EGF: variants seen among roughly 807,000 people sequenced by gnomAD.
EGF encodes epidermal growth factor.
A neutral mutation model predicts 143.8 loss-of-function variants in EGF; 95 were observed. The observed-to-expected ratio is 0.66, with a 90% CI of 0.56 to 0.78. The LOEUF is 0.78. EGF is among the 30% of genes least tolerant of loss of function. The pLI, the probability that EGF is intolerant of heterozygous loss-of-function variation, is 0.00. For synonymous variants in EGF, 510 were observed against 510.5 expected (o/e 1.00, Z 0.01); for missense variants, 1,320 against 1,470.9 (o/e 0.90, Z 1.68).
At chr4:109,916,306 T>C (rs534369985) in intron 1 of EGF, among the ~76,000 whole-genome samples, 1 of 152,316 alleles carries the variant, frequency 6.6e-6, no homozygotes, top group African/African-American at 2.4e-5. Flanking sequence ...TTTTTTCTTT[T>C]TTTCTAACAG....
At chr4:109,990,238 G>A (rs960831051) in intron 18 of EGF, among the ~76,000 whole-genome samples, 1 of 152,158 alleles carries the variant, frequency 6.6e-6, no homozygotes, top group African/African-American at 2.4e-5. Context: ...GAAATATCAG[G>A]ATGAGGAAGG....
Position 110,012,583 on chromosome 4 carries a change from G to A in EGF, c.*1128G>A, listed in dbSNP as rs947498294. On this transcript the variant is annotated 3_prime_UTR_variant, in exon 24 of 24. Transcript: ENST00000265171. ...TTTGTAGACATGGGGATCACACAAT[G>A]TTGCCCAGGCTGGTCTTGAACTCCT... Among the ~76,000 whole-genome samples the A allele has an allele frequency of 2.0e-5, 3 of 152,094 alleles. No individual in the cohort carries two copies. The highest frequency in any genetic ancestry group is 4.4e-5 in the Non-Finnish European group (3 of 68,020).
Position 109,986,592 on chromosome 4 carries a change from G to A in EGF, c.2492-1152G>A, listed in dbSNP as rs11569038. On this transcript the variant is annotated intron_variant, in intron 16 of 23. Transcript: ENST00000265171. ...TTTAATTTATCGGCAAGTTTGGAGG[G>A]CTTTTTAAAAAATCTCTTCTGTACT... Among the ~76,000 whole-genome samples, 1,253 of 152,078 alleles carry A rather than the reference G, an allele frequency of 8.2e-3. 20 individuals are homozygous for A. Among genetic ancestry groups the A allele is most frequent in the African/African-American group, 0.029 (1,188 of 41,430 alleles).
intron 1 of EGF, among the ~76,000 whole-genome samples, chr4:109,936,647 G>T (rs527823234): frequency 1.3e-5 from 2 of 152,166 alleles, no homozygotes; most frequent in Admixed American, 6.5e-5. Flanking sequence ...TGTCGATTTT[G>T]GATATTTCTT....
chr4:109,993,230 T>TCA lies in EGF; in HGVS notation c.2735-16_2735-15insAC. 11 of 1,613,364 alleles carry TCA rather than the reference T, an allele frequency of 6.8e-6. No individual in the cohort carries two copies. Among genetic ancestry groups the TCA allele is most frequent in the African/African-American group, 1.3e-5 (1 of 75,026 alleles). On this transcript the variant is annotated splice_polypyrimidine_tract_variant and intron_variant, in intron 18 of 23. Transcript: ENST00000265171. ...TGTACCCCACTTTTCTCTCCCGTAC[T>TCA]CTGTCTTTTCTGACAGATATTGATG...
chr4:109,948,667 G>T (rs1415722299), intron 5 of EGF, among the ~76,000 whole-genome samples: 1 of 151,990 alleles, frequency 6.6e-6, no homozygotes, highest in Non-Finnish European at 1.5e-5. Flanking sequence ...TGTGTTTTTG[G>T]TAGAGGTGGG....
At chr4:109,980,803 A>C in intron 14 of EGF, 23 bp from the exon 15 acceptor site, 1 of 1,613,848 alleles carries the variant, frequency 6.2e-7, no homozygotes, top group South Asian at 1.1e-5. Context: ...CCCACTTGTG[A>C]ATTTGTTTCT....
At position 109,988,617 on chromosome 4, in the gene EGF, GC is replaced by G. The variant is rs758373637; in HGVS notation, c.2648del (p.Pro883LeufsTer67). On this transcript the variant is annotated frameshift_variant, in exon 18 of 24. Transcript: ENST00000265171. LOFTEE classifies it high-confidence loss of function. ...GAATGTGAGATGGGTGTCCCAGTGT[GC>G]CCCCCTGCCTCCTCCAAGTGCATCA... The part of the protein sequence containing the change: ...IDECEMGVPV[C>X]PPASSKCINT... 1.9e-6 allele frequency: 3 copies of G among 1,613,876 alleles called. No homozygotes were observed.
intron 15 of EGF, 142 bp from the exon 16 acceptor site, chr4:109,983,280 C>T: frequency 1.1e-6 from 1 of 940,266 alleles, no homozygotes. Context: ...GTTACCAAGA[C>T]CCTGACAGTT....
At chr4:109,949,806 G>A (rs1560676626) in intron 5 of EGF, among the ~76,000 whole-genome samples, 1 of 152,144 alleles carries the variant, frequency 6.6e-6, no homozygotes. Flanking sequence ...GCAAGGGAGG[G>A]GCTTACAAAG....
chr4:109,974,315 C>T (rs561363386), intron 11 of EGF, among the ~76,000 whole-genome samples: 5 of 152,286 alleles, frequency 3.3e-5, no homozygotes, highest in South Asian at 2.1e-4. Context: ...TTGTCTCCCT[C>T]GTCTTCATGA....
At position 109,944,968 on chromosome 4, in the gene EGF, C is replaced by T. The variant is rs1003892316; in HGVS notation, c.738-105C>T. ...AACATAAATGAGAAACAATTGAAAA[C>T]GTAGGTGGTTAAAACTTAGACAATA... On this transcript the variant is annotated intron_variant, in intron 4 of 23. Coordinates refer to ENST00000265171, the MANE Select transcript of EGF (RefSeq NM_001963.6). 5.9e-6 allele frequency: 7 copies of T among 1,186,432 alleles called. No individual in the cohort carries two copies. The Admixed American group carries it at 5.9e-5, about 10-fold the overall frequency. 73.5% of individuals were successfully genotyped at this position (1,186,432 alleles called of 1,614,324 possible).
At chr4:109,964,654 G>C (rs1450524716) in intron 10 of EGF, 117 bp downstream of exon 10, 1 of 1,409,500 alleles carries the variant, frequency 7.1e-7, no homozygotes, top group East Asian at 2.3e-5. Context: ...GAATGATTAG[G>C]CACAGAACAA....
At chr4:109,931,899 ATTAT>A in intron 1 of EGF, among the ~76,000 whole-genome samples, 1 of 152,288 alleles carries the variant, frequency 6.6e-6, no homozygotes, top group East Asian at 1.9e-4. Context: ...AAATGTATTA[ATTAT>A]TTATACTTTG....
In EGF at chr4:109,980,220, G is replaced by T. The variant is rs562322735; in HGVS notation, c.2221+81G>T. On this transcript the variant is annotated intron_variant, in intron 14 of 23. Coordinates refer to ENST00000265171, the MANE Select transcript of EGF (RefSeq NM_001963.6). ...AATTGTTTGATGTCATGCAGTTGGC[G>T]GGGGGGTGGAGGGGATTTTGTAACT... 4.3e-6 allele frequency: 6 copies of T among 1,403,620 alleles called. No individual in the cohort carries two copies. The South Asian group carries it at 6.1e-5, about 14-fold the overall frequency. 86.9% of individuals were successfully genotyped at this position (1,403,620 alleles called of 1,614,324 possible).
At chr4:109,933,439 A>G (rs528481745) in intron 1 of EGF, among the ~76,000 whole-genome samples, 1,428 of 101,630 alleles carry the variant, frequency 0.014, 20 homozygotes, top group African/African-American at 0.049. Flanking sequence ...TTTTTTTTTT[A>G]TACTTTAAGT....
At position 109,943,772 on chromosome 4, in the gene EGF, C is replaced by T. The variant is rs1560664740; in HGVS notation, c.510-70C>T. 15 of 1,336,332 alleles carry T rather than the reference C, an allele frequency of 1.1e-5. No individual in the cohort carries two copies. In the East Asian group the frequency reaches 3.5e-4, roughly 31 times the overall value. The allele number at this position is 1,336,332 out of a possible 1,614,324, so 82.8% of individuals were successfully genotyped here. ...TTGCCCTGTGAAGGAGCTGCTGAAA[C>T]ATTGAGAGAGTTGGCCATTTAAGGC... On this transcript the variant is annotated intron_variant, in intron 3 of 23. Transcript: ENST00000265171.
intron 9 of EGF, among the ~76,000 whole-genome samples, 190 bp from the exon 10 acceptor site, chr4:109,964,210 TG>T (rs1280387759): frequency 6.6e-6 from 1 of 152,182 alleles, no homozygotes; most frequent in Non-Finnish European, 1.5e-5. Context: ...GATGAAATTC[TG>T]GCAATATGTC....
rs1747109440 is a variant in EGF, at chr4:109,968,953, C to G, written c.1576-18C>G. On this transcript the variant is annotated intron_variant, in intron 10 of 23. Coordinates refer to ENST00000265171, the MANE Select transcript of EGF (RefSeq NM_001963.6). Reference sequence around the variant, plus strand: ...AGTTTTAAAAAAAAATCAGAAATGCCTGTGTTCTCTTTTGTAGATATACTT... The same window carrying G: ...AGTTTTAAAAAAAAATCAGAAATGCGTGTGTTCTCTTTTGTAGATATACTT... The G allele has an allele frequency of 6.2e-7, 1 of 1,613,922 alleles. No homozygotes were observed. The highest frequency in any genetic ancestry group is 8.5e-7 in the Non-Finnish European group (1 of 1,179,962).
Sources: allele counts gnomAD v4.1 joint callset (sites outside exome capture counted in the v4.1 genomes callset), GRCh38; gene constraint gnomAD v4.1.1; transcripts MANE v1.5; gene names NCBI Gene and HGNC (gene_info 2026-07-23, HGNC 2026-07-21).